The following PPM1D variants were observed in gnomAD, a reference collection of about 807,000 sequenced individuals.
PPM1D encodes the protein protein phosphatase, Mg2+/Mn2+ dependent 1D, also known as protein phosphatase 1D.
Under a neutral mutation model 58.3 loss-of-function variants are expected in PPM1D, and 52 were observed. That is an observed-to-expected ratio of 0.89 (90% CI 0.71 to 1.12). The LOEUF is 1.12. PPM1D is among the 50% of genes most tolerant of loss of function. The pLI is 0.00. For synonymous variants in PPM1D, 278 were observed against 285.1 expected, an observed-to-expected ratio of 0.98 and a Z score of 0.25; for missense variants, 564 against 777.2, an observed-to-expected ratio of 0.73 and a Z score of 3.26.
chr17:60,637,889 T>C (rs1413457309), intron 3 of PPM1D, among the ~76,000 whole-genome samples: 1 of 152,210 alleles, frequency 6.6e-6, no homozygotes, highest in Non-Finnish European at 1.5e-5. Flanking sequence ...CCCTGGAAGC[T>C]AAGTGAAGAA....
chr17:60,603,969 A>G (rs1349701934), intron 1 of PPM1D, among the ~76,000 whole-genome samples: 1 of 152,240 alleles, frequency 6.6e-6, no homozygotes, highest in African/African-American at 2.4e-5. Context: ...GGTGGAAGAA[A>G]AGTAGTTTCT....
chr17:60,636,759 C>G (rs1456777710), intron 3 of PPM1D, among the ~76,000 whole-genome samples: 5 of 151,762 alleles, frequency 3.3e-5, no homozygotes, highest in African/African-American at 4.8e-5. Context: ...ATTGCAGCCC[C>G]TAAAGTCCTG....
intron 1 of PPM1D, among the ~76,000 whole-genome samples, chr17:60,622,298 A>G (rs752102566): frequency 5.9e-5 from 9 of 151,398 alleles, no homozygotes; most frequent in Non-Finnish European, 8.8e-5. Context: ...ACATAATTCT[A>G]TTCCTTTAAA....
intron 1 of PPM1D, among the ~76,000 whole-genome samples, chr17:60,617,055 C>T (rs2030598645): frequency 1.3e-5 from 2 of 152,108 alleles, no homozygotes; most frequent in African/African-American, 4.8e-5. Context: ...TCAAGTGATC[C>T]TCCTGCCTCC....
chr17:60,658,286 T>C (rs2031473990), intron 5 of PPM1D, among the ~76,000 whole-genome samples: 1 of 152,182 alleles, frequency 6.6e-6, no homozygotes, highest in Non-Finnish European at 1.5e-5. Flanking sequence ...ATTCTTAATA[T>C]TGACCTCAAA....
chr17:60,640,434 T>TA (rs1411963953), intron 3 of PPM1D, among the ~76,000 whole-genome samples: 2 of 152,260 alleles, frequency 1.3e-5, no homozygotes, highest in African/African-American at 4.8e-5. Context: ...ACACGTAACT[T>TA]ACCGTTGTAA....
rs1344062101 is a variant in PPM1D, at chr17:60,666,198, C to A, written c.*2646C>A. Reference sequence around the variant, plus strand: ...CATTAATGAACAATGTTATTTTCATCTTCCAGACATCTGGAAGATTGCTCT... The same window carrying A: ...CATTAATGAACAATGTTATTTTCATATTCCAGACATCTGGAAGATTGCTCT... On this transcript the variant is annotated 3_prime_UTR_variant, in exon 6 of 6. Coordinates refer to ENST00000305921, the MANE Select transcript of PPM1D (RefSeq NM_003620.4). The A allele has an allele frequency of 1.3e-5, 2 of 152,092 alleles. No individual in the cohort carries two copies. The highest frequency in any genetic ancestry group is 2.9e-5 in the Non-Finnish European group (2 of 68,030). The allele number at this position is 152,092 out of a possible 1,614,324, so 9.4% of individuals were successfully genotyped here.
chr17:60,655,147 A>G (rs2031413667), intron 4 of PPM1D, among the ~76,000 whole-genome samples: 1 of 152,140 alleles, frequency 6.6e-6, no homozygotes, highest in Non-Finnish European at 1.5e-5. Flanking sequence ...CTGTTTATAT[A>G]TATATATGAG....
chr17:60,658,428 A>T (rs1177318531), intron 5 of PPM1D, among the ~76,000 whole-genome samples: 1 of 145,170 alleles, frequency 6.9e-6, no homozygotes, highest in South Asian at 2.2e-4. Flanking sequence ...TTGGGCAGAT[A>T]ACCTGAGGTC....
In PPM1D at chr17:60,600,279, C is replaced by G. The variant is rs530670309; in HGVS notation, c.-136C>G. The G allele has an allele frequency of 7.0e-7, 1 of 1,432,588 alleles. No homozygotes were observed. The highest frequency in any genetic ancestry group is 1.5e-5 in the African/African-American group (1 of 67,594). 88.7% of individuals were successfully genotyped at this position (1,432,588 alleles called of 1,614,324 possible). On this transcript the variant is annotated 5_prime_UTR_variant, in exon 1 of 6. Transcript: ENST00000305921. Reference sequence around the variant, plus strand: ...CAAGTCCAGACATCGCGCGCCCCCCCTTCTCCGGGTCCGCCCCCTCCCCCT... The same window carrying G: ...CAAGTCCAGACATCGCGCGCCCCCCGTTCTCCGGGTCCGCCCCCTCCCCCT...
Position 60,663,475 on chromosome 17 carries a change from C to T in PPM1D, c.1741C>T (p.Arg581Ter), listed in dbSNP as rs747668756. 1.1e-5 allele frequency: 18 copies of T among 1,613,816 alleles called. No homozygotes were observed. Among genetic ancestry groups the T allele is most frequent in the African/African-American group, 1.3e-5 (1 of 74,920 alleles). ...AAAGAACTCTGTTAAACTCACCATG[C>T]GACGCAGACTTAGGGGCCAGAAGAA... ...QRKNSVKLTMRRRLRGQKKIG... is the reference protein window; with the variant it reads ...QRKNSVKLTM The change falls in exon 6 of 6, where the codon CGA becomes TGA. Residue 581 changes from arginine to a stop codon, truncating the protein, a stop_gained. Transcript: ENST00000305921. LOFTEE classifies it high-confidence loss of function.
intron 3 of PPM1D, among the ~76,000 whole-genome samples, chr17:60,644,168 C>T (rs757623744): frequency 1.3e-5 from 2 of 151,744 alleles, no homozygotes; most frequent in Non-Finnish European, 2.9e-5. Context: ...TGTGAGCCAC[C>T]GTGCCTGGCA....
chr17:60,645,454 ATATG>A (rs1264255863), intron 3 of PPM1D, among the ~76,000 whole-genome samples: 39 of 103,158 alleles, frequency 3.8e-4, no homozygotes, highest in African/African-American at 1.1e-3. Context: ...TGTAAAATAT[ATATG>A]TGTGTGTGTG....
chr17:60,619,216 CT>C (rs375551529), intron 1 of PPM1D, among the ~76,000 whole-genome samples: 174 of 142,460 alleles, frequency 1.2e-3, no homozygotes, highest in Admixed American at 1.5e-3. Context: ...GCAGGATTTC[CT>C]TTTTTTTTTT....
At chr17:60,637,529 G>A (rs1043353749) in intron 3 of PPM1D, among the ~76,000 whole-genome samples, 3 of 152,102 alleles carry the variant, frequency 2.0e-5, no homozygotes, top group Non-Finnish European at 4.4e-5. Flanking sequence ...TTACCCTTTC[G>A]GCATGTTTTA....
intron 5 of PPM1D, 198 bp downstream of exon 5, chr17:60,657,039 A>C: frequency 6.7e-7 from 1 of 1,483,432 alleles, no homozygotes; most frequent in Non-Finnish European, 8.9e-7. Flanking sequence ...GCACTAATAA[A>C]AAGGTGATTG....
At chr17:60,656,489 G>C (rs1010186612) in intron 4 of PPM1D, 110 bp from the exon 5 acceptor site, 15 of 1,410,498 alleles carry the variant, frequency 1.1e-5, no homozygotes, top group East Asian at 2.4e-5. Flanking sequence ...AAAAAATTGG[G>C]AGCTTTGTTT....
intron 5 of PPM1D, 68 bp from the exon 6 acceptor site, chr17:60,662,927 C>T: frequency 7.0e-7 from 1 of 1,421,704 alleles, no homozygotes; most frequent in Non-Finnish European, 9.6e-7. Flanking sequence ...AGCCTAATAT[C>T]ACATGCATAG....
intron 2 of PPM1D, among the ~76,000 whole-genome samples, chr17:60,626,705 T>G (rs1432684470): frequency 6.6e-6 from 1 of 152,026 alleles, no homozygotes; most frequent in African/African-American, 2.4e-5. Flanking sequence ...TGATGTTGTT[T>G]TAAAAAAAAA....
Sources: allele counts gnomAD v4.1 joint callset (sites outside exome capture counted in the v4.1 genomes callset), GRCh38; gene constraint gnomAD v4.1.1; transcripts MANE v1.5; gene names NCBI Gene and HGNC (gene_info 2026-07-23, HGNC 2026-07-21).